PARD3B: variants seen among roughly 807,000 people sequenced by gnomAD.
The protein encoded by PARD3B is par-3 family cell polarity regulator beta.
Under a neutral mutation model 130.2 loss-of-function variants are expected in PARD3B, and 103 were observed. The observed-to-expected ratio is 0.79, with a 90% CI of 0.67 to 0.93. The LOEUF (loss-of-function observed/expected upper bound fraction) is 0.93. PARD3B is among the 40% of genes least tolerant of loss of function. The pLI is 0.00. For synonymous variants in PARD3B, 583 were observed against 553.2 expected (o/e 1.05, Z -0.76); for missense variants, 1,609 against 1,499.2 (o/e 1.07, Z -1.21).
intron 2 of PARD3B, among the ~76,000 whole-genome samples, chr2:204,954,683 A>G (rs1690083713): frequency 6.6e-6 from 1 of 152,216 alleles, no homozygotes; most frequent in African/African-American, 2.4e-5. Context: ...ATAGGCTACC[A>G]GGGTGACAGG....
intron 5 of PARD3B, among the ~76,000 whole-genome samples, chr2:205,107,334 C>G (rs539214959): frequency 2.0e-5 from 3 of 152,300 alleles, no homozygotes; most frequent in African/African-American, 7.2e-5. Flanking sequence ...AGTACTAACT[C>G]TGCTACTTAC....
In PARD3B at chr2:204,965,343, T is replaced by C. The variant is rs1691142100; in HGVS notation, c.394+20T>C. The C allele has an allele frequency of 6.2e-7, 1 of 1,608,804 alleles. No homozygotes were observed. The highest frequency in any genetic ancestry group is 1.7e-5 in the Admixed American group (1 of 59,380). ...AACTAGGTATGTGTAATGTTTATGATATTCTTTTCACCTGACTGAAGATCC... is the reference window on the plus strand; with the variant it reads ...AACTAGGTATGTGTAATGTTTATGACATTCTTTTCACCTGACTGAAGATCC... On this transcript the variant is annotated intron_variant, in intron 3 of 22. Coordinates refer to ENST00000406610, the MANE Select transcript of PARD3B (RefSeq NM_001302769.2).
At chr2:205,312,005 A>G (rs1300458534) in intron 18 of PARD3B, among the ~76,000 whole-genome samples, 1 of 152,208 alleles carries the variant, frequency 6.6e-6, no homozygotes, top group East Asian at 1.9e-4. Flanking sequence ...ATAAAGATAC[A>G]TTTTGACTTG....
rs114027854 is a variant in PARD3B, at chr2:205,305,034, C to T, written c.2630+3333C>T. Among the ~76,000 whole-genome samples, 264 of 152,342 alleles carry T rather than the reference C, an allele frequency of 1.7e-3. 2 individuals carry two copies. The highest frequency in any genetic ancestry group is 6.3e-3 in the African/African-American group (260 of 41,574). ...TATTAGTGATTCATAAATTGGTCCA[C>T]ATCCCATCTACAGAATAGAAGGGCA... On this transcript the variant is annotated intron_variant, in intron 18 of 22. Coordinates refer to ENST00000406610, the MANE Select transcript of PARD3B (RefSeq NM_001302769.2).
At chr2:204,681,195 C>G (rs77022920) in intron 1 of PARD3B, among the ~76,000 whole-genome samples, 2,072 of 152,242 alleles carry the variant, frequency 0.014, 42 homozygotes, top group African/African-American at 0.048. Flanking sequence ...ATTAATACTT[C>G]TTTCCTTGAA....
At chr2:204,695,336 A>C (rs555875025) in intron 2 of PARD3B, among the ~76,000 whole-genome samples, 86 of 152,094 alleles carry the variant, frequency 5.7e-4, no homozygotes, top group Admixed American at 3.8e-3. Context: ...AAATTATACC[A>C]AATGGAAGAC....
intron 1 of PARD3B, among the ~76,000 whole-genome samples, chr2:204,550,436 G>GTGTGTGTGTGTT (rs2030368655): frequency 6.6e-6 from 1 of 151,720 alleles, no homozygotes; most frequent in Non-Finnish European, 1.5e-5. Context: ...GTGTGTGTGT[G>GTGTGTGTGTGTT]TGTGTGTGTG....
chr2:205,207,251 C>T (rs2037369902), intron 15 of PARD3B, among the ~76,000 whole-genome samples: 2 of 132,872 alleles, frequency 1.5e-5, no homozygotes, highest in Middle Eastern at 3.4e-3. Flanking sequence ...ACTAAATGCC[C>T]ACAAGAGAAA....
chr2:204,721,155 T>G (rs947808594), intron 2 of PARD3B, among the ~76,000 whole-genome samples: 1 of 152,196 alleles, frequency 6.6e-6, no homozygotes, highest in African/African-American at 2.4e-5. Flanking sequence ...TTGGTTGGTT[T>G]TATTACCAAA....
chr2:204,743,161 C>A (rs2040077023), intron 2 of PARD3B, among the ~76,000 whole-genome samples: 1 of 152,052 alleles, frequency 6.6e-6, no homozygotes, highest in Non-Finnish European at 1.5e-5. Flanking sequence ...TAGATACTTA[C>A]TAAATGTTGG....
At chr2:205,058,778 G>T (rs1699890625) in intron 4 of PARD3B, among the ~76,000 whole-genome samples, 1 of 151,764 alleles carries the variant, frequency 6.6e-6, no homozygotes, top group Non-Finnish European at 1.5e-5. Context: ...ACTGATTTTT[G>T]AATTGTGTTC....
chr2:204,874,828 A>G (rs1315660772), intron 2 of PARD3B, among the ~76,000 whole-genome samples: 6 of 152,184 alleles, frequency 3.9e-5, no homozygotes, highest in African/African-American at 1.4e-4. Context: ...AAAAGGAATC[A>G]TAGTTGCTAT....
intron 5 of PARD3B, among the ~76,000 whole-genome samples, chr2:205,112,095 A>G (rs982159889): frequency 6.6e-6 from 1 of 152,010 alleles, no homozygotes; most frequent in African/African-American, 2.4e-5. Flanking sequence ...CTATATTATC[A>G]CTCTAAGATT....
At chr2:205,494,880 C>T (rs759450) in intron 20 of PARD3B, among the ~76,000 whole-genome samples, 60,476 of 152,010 alleles carry the variant, frequency 0.4, 12,544 homozygotes, top group Admixed American at 0.49. Flanking sequence ...ATGTCAACAA[C>T]AATGTCATCT....
chr2:205,595,912 A>G (rs1233305056), intron 22 of PARD3B, among the ~76,000 whole-genome samples: 3 of 148,512 alleles, frequency 2.0e-5, no homozygotes, highest in Non-Finnish European at 4.5e-5. Flanking sequence ...GTAACTGTAC[A>G]AGAACATTTG....
intron 18 of PARD3B, among the ~76,000 whole-genome samples, chr2:205,382,322 A>G (rs774095351): frequency 2.6e-5 from 4 of 152,002 alleles, no homozygotes; most frequent in Non-Finnish European, 5.9e-5. Flanking sequence ...TTTTCTTACC[A>G]TGATTAGATT....
intron 15 of PARD3B, among the ~76,000 whole-genome samples, chr2:205,233,290 AC>A (rs1003006108): frequency 5.1e-4 from 78 of 152,282 alleles, no homozygotes; most frequent in African/African-American, 1.8e-3. Flanking sequence ...TTTTTCTAAA[AC>A]AAAGAATTTT....
chr2:204,614,860 G>T (rs2034052647), intron 1 of PARD3B, among the ~76,000 whole-genome samples: 1 of 152,114 alleles, frequency 6.6e-6, no homozygotes, highest in African/African-American at 2.4e-5. Context: ...CTTGTGTTAT[G>T]CTTCCTCTAT....
chr2:204,940,850 C>T (rs548513019), intron 2 of PARD3B, among the ~76,000 whole-genome samples: 12 of 151,966 alleles, frequency 7.9e-5, no homozygotes, highest in African/African-American at 2.9e-4. Flanking sequence ...TGCAGGAGTA[C>T]CACTGTCAAT....
Sources: allele counts gnomAD v4.1 joint callset (sites outside exome capture counted in the v4.1 genomes callset), GRCh38; gene constraint gnomAD v4.1.1; transcripts MANE v1.5; gene names NCBI Gene and HGNC (gene_info 2026-07-23, HGNC 2026-07-21).